IL15: variants seen among roughly 807,000 people sequenced by gnomAD.
IL15 encodes interleukin 15.
In IL15, 11 loss-of-function variants were observed where a neutral mutation model predicts 19.6. That is an observed-to-expected ratio of 0.56 (90% CI 0.35 to 0.93). The LOEUF (loss-of-function observed/expected upper bound fraction) is 0.93. IL15 is among the 40% of genes least tolerant of loss of function. IL15 has a pLI of 0.01. For synonymous variants in IL15, 58 were observed against 59.6 expected, an observed-to-expected ratio of 0.97 and a Z score of 0.12; for missense variants, 197 against 186.5, an observed-to-expected ratio of 1.06 and a Z score of -0.33.
chr4:141,684,186 A>G (rs1728634669), intron 2 of IL15, among the ~76,000 whole-genome samples: 5 of 152,144 alleles, frequency 3.3e-5, no homozygotes, highest in Admixed American at 3.3e-4. Context: ...ATCAACTATA[A>G]ATTCTCACTC....
chr4:141,676,038 T>G (rs1024615803), intron 2 of IL15, among the ~76,000 whole-genome samples: 1 of 152,204 alleles, frequency 6.6e-6, no homozygotes, highest in Non-Finnish European at 1.5e-5. Context: ...CATTTATTAG[T>G]AAAAAATAGA....
intron 2 of IL15, 121 bp from the exon 3 acceptor site, chr4:141,719,245 C>T (rs1442183879): frequency 3.1e-5 from 13 of 414,896 alleles, no homozygotes; most frequent in Middle Eastern, 3.8e-4. Context: ...AAAGGTGATG[C>T]ATCTGTTAAG....
chr4:141,660,824 G>A (rs536677000), intron 2 of IL15, among the ~76,000 whole-genome samples: 1 of 151,968 alleles, frequency 6.6e-6, no homozygotes, highest in Non-Finnish European at 1.5e-5. Context: ...AATTCATTAG[G>A]TACATTTCCT....
rs1045799641 is a variant in IL15 at position 141,666,447 on chromosome 4, C to T, written c.-100+10140C>T. 2.0e-5 allele frequency among the ~76,000 whole-genome samples: 3 copies of T among 152,146 alleles called. 1 individual carries two copies. The highest frequency in any genetic ancestry group is 2.9e-5 in the Non-Finnish European group (2 of 68,026). On this transcript the variant is annotated intron_variant, in intron 2 of 7. Transcript: ENST00000320650. ...CTTGGCCCAGTGCAGCCTTGACCTC[C>T]GGGACTCAGGTGATCCTCCCATCTC...
chr4:141,730,888 G>A (rs1389738329), intron 7 of IL15, among the ~76,000 whole-genome samples: 1 of 152,176 alleles, frequency 6.6e-6, no homozygotes, highest in East Asian at 1.9e-4. Flanking sequence ...AATCCCTGCT[G>A]TTAAAGAGGG....
intron 2 of IL15, among the ~76,000 whole-genome samples, chr4:141,683,605 A>G (rs1728614143): frequency 6.6e-6 from 1 of 151,980 alleles, no homozygotes; most frequent in African/African-American, 2.4e-5. Flanking sequence ...AAAAAAAACA[A>G]TAGTGGACTG....
At chr4:141,715,006 T>A (rs567231122) in intron 2 of IL15, 1 of 152,234 alleles carries the variant, frequency 6.6e-6, no homozygotes, top group African/African-American at 2.4e-5. Flanking sequence ...GAACTGAAAC[T>A]CCTGACCTGT....
intron 5 of IL15, among the ~76,000 whole-genome samples, chr4:141,727,507 GA>G (rs976364279): frequency 2.0e-5 from 3 of 152,132 alleles, no homozygotes; most frequent in African/African-American, 7.2e-5. Context: ...TGTATGGGGA[GA>G]AAGGTGACTT....
At chr4:141,700,711 A>G (rs1019821344) in intron 2 of IL15, among the ~76,000 whole-genome samples, 1 of 152,188 alleles carries the variant, frequency 6.6e-6, no homozygotes, top group Non-Finnish European at 1.5e-5. Context: ...ATTCCCTCAC[A>G]TAAGTTTTTC....
At chr4:141,728,754 C>T (rs1297683160) in intron 6 of IL15, among the ~76,000 whole-genome samples, 2 of 152,072 alleles carry the variant, frequency 1.3e-5, no homozygotes, top group East Asian at 3.9e-4. Flanking sequence ...ATTCACTAAC[C>T]AATTGGGTCA....
At chr4:141,672,794 A>G (rs1476214694) in intron 2 of IL15, among the ~76,000 whole-genome samples, 1 of 152,158 alleles carries the variant, frequency 6.6e-6, no homozygotes, top group Non-Finnish European at 1.5e-5. Flanking sequence ...AATGCCTTTC[A>G]TTTTCTTGAA....
intron 2 of IL15, among the ~76,000 whole-genome samples, chr4:141,699,910 C>T (rs1313339310): frequency 2.6e-5 from 4 of 151,816 alleles, no homozygotes; most frequent in African/African-American, 7.3e-5. Context: ...GTTTTATATA[C>T]CCTATGAGAT....
chr4:141,646,030 A>G lies in IL15; in HGVS notation c.-222+9282A>G, dbSNP rs1303909957. Among the ~76,000 whole-genome samples the G allele has an allele frequency of 2.6e-5, 4 of 152,192 alleles. No individual in the cohort carries two copies. The East Asian group carries it at 7.7e-4, about 29-fold the overall frequency. ...TTTGTTTTATTCTTTTGGGAAAAGCAAGTCAGAAGGCCACCCAGATTGAAG... is the reference window on the plus strand; with the variant it reads ...TTTGTTTTATTCTTTTGGGAAAAGCGAGTCAGAAGGCCACCCAGATTGAAG... On this transcript the variant is annotated intron_variant, in intron 1 of 7. Coordinates refer to ENST00000320650, the MANE Select transcript of IL15 (RefSeq NM_000585.5).
intron 1 of IL15, among the ~76,000 whole-genome samples, chr4:141,650,883 G>A (rs185373376): frequency 6.6e-6 from 1 of 152,166 alleles, no homozygotes; most frequent in East Asian, 1.9e-4. Context: ...TCACATAGCT[G>A]TTTAAAGGCA....
intron 2 of IL15, among the ~76,000 whole-genome samples, chr4:141,667,871 T>A (rs977259663): frequency 2.0e-5 from 3 of 152,214 alleles, no homozygotes; most frequent in South Asian, 4.1e-4. Context: ...AGCATGAACA[T>A]CACTGTCGTC....
At chr4:141,698,070 C>G (rs979882722) in intron 2 of IL15, among the ~76,000 whole-genome samples, 5 of 151,962 alleles carry the variant, frequency 3.3e-5, no homozygotes, top group African/African-American at 1.2e-4. Flanking sequence ...ATATCAAATG[C>G]TTTTTCTGTG....
intron 6 of IL15, among the ~76,000 whole-genome samples, chr4:141,728,318 C>G (rs1730337527): frequency 6.6e-6 from 1 of 152,028 alleles, no homozygotes; most frequent in African/African-American, 2.4e-5. Flanking sequence ...TTAAGAGTAG[C>G]CAATATATCA....
intron 2 of IL15, among the ~76,000 whole-genome samples, chr4:141,701,453 G>A (rs887809824): frequency 3.3e-5 from 5 of 152,232 alleles, no homozygotes; most frequent in African/African-American, 1.2e-4. Flanking sequence ...TAGTAGTTAT[G>A]TACTTGTTGT....
intron 1 of IL15, among the ~76,000 whole-genome samples, chr4:141,643,346 T>C (rs1355139276): frequency 2.0e-5 from 3 of 152,190 alleles, no homozygotes; most frequent in Non-Finnish European, 4.4e-5. Context: ...TCTGCCCACA[T>C]TTTACAGGAA....
Sources: gnomAD v4.1 joint callset for allele counts (sites outside exome capture counted in the v4.1 genomes callset) on GRCh38, gnomAD v4.1.1 for gene constraint, MANE v1.5 for transcripts, NCBI Gene and HGNC (gene_info 2026-07-23, HGNC 2026-07-21) for gene names.